The following IQGAP3 variants were observed in gnomAD, a reference collection of about 807,000 sequenced individuals.
IQGAP3 encodes IQ motif containing GTPase activating protein 3.
A neutral mutation model predicts 208.2 loss-of-function variants in IQGAP3; 165 were observed. The observed-to-expected ratio is 0.79, with a 90% confidence interval of 0.70 to 0.90. The LOEUF is 0.90. Ranked by LOEUF, IQGAP3 falls within the 40% of genes least tolerant of loss-of-function variation. The pLI, the probability that IQGAP3 is intolerant of heterozygous loss-of-function variation, is 0.00. For synonymous variants in IQGAP3, 703 were observed against 803.6 expected (o/e 0.87, Z 2.12); for missense variants, 1,811 against 2,043.1 (o/e 0.89, Z 2.19).
chr1:156,565,131 T>G (rs1282798989), intron 4 of IQGAP3, among the ~76,000 whole-genome samples: 1 of 152,128 alleles, frequency 6.6e-6, no homozygotes. Flanking sequence ...CAGGGCCCAA[T>G]GAAGCATATA....
At chr1:156,532,804 G>C (rs1266414211) in intron 32 of IQGAP3, among the ~76,000 whole-genome samples, 176 bp downstream of exon 32, 3 of 152,190 alleles carry the variant, frequency 2.0e-5, no homozygotes, top group Non-Finnish European at 4.4e-5. Context: ...GAGGATACCA[G>C]ATGGAAAAGA....
intron 1 of IQGAP3, 68 bp from the exon 2 acceptor site, chr1:156,569,531 T>TTTC (rs2102451178): frequency 1.7e-6 from 1 of 576,082 alleles, no homozygotes; most frequent in African/African-American, 2.2e-5. Context: ...GAAGGGTCTT[T>TTTC]TTTTTTTTTT....
chr1:156,541,933 G>A (rs1002488437), intron 22 of IQGAP3, among the ~76,000 whole-genome samples: 2 of 152,230 alleles, frequency 1.3e-5, no homozygotes, highest in African/African-American at 4.8e-5. Flanking sequence ...AAAGGAGGCA[G>A]AGAGGGTGAA....
At position 156,539,013 on chromosome 1, in the gene IQGAP3, T is replaced by C; in HGVS notation, c.3077A>G (p.Gln1026Arg). ...EEIKSKVEQP[Q>R]DVVTGNPTVV... ...TGTTGGGTTGCCTGTCACCACGTCC[T>C]GGGGCTGCTCCACCTTTGACCTGTG... The change falls in exon 26 of 38, where the codon CAG becomes CGG. Residue 1026 changes from glutamine to arginine, a missense_variant. By Grantham distance (43) the Gln-to-Arg change is conservative. Coordinates refer to ENST00000361170, the MANE Select transcript of IQGAP3 (RefSeq NM_178229.5). The C allele has an allele frequency of 6.2e-7, 1 of 1,614,006 alleles. No individual in the cohort carries two copies. Among genetic ancestry groups the C allele is most frequent in the South Asian group, 1.1e-5 (1 of 91,016 alleles).
At position 156,534,661 on chromosome 1, in the gene IQGAP3, C is replaced by T. The variant is rs1461254405; in HGVS notation, c.3580G>A (p.Ala1194Thr). Residue 1194 changes from alanine (A) to threonine (T), a missense_variant, in exon 29 of 38, where the codon GCC (alanine) becomes ACC (threonine). Ala to Thr is a moderately conservative substitution (Grantham distance 58). Coordinates refer to ENST00000361170, the MANE Select transcript of IQGAP3 (RefSeq NM_178229.5). ...GCCAGGGCTCCACCAGCTGCCATGG[C>T]CACAATGTCGAAGGCGTCAGGAGCC... Reference protein sequence around the residue: ...VVAPDAFDIVAMAAGGALAAP... With the variant: ...VVAPDAFDIVTMAAGGALAAP... 8.1e-6 allele frequency: 13 copies of T among 1,611,888 alleles called. No homozygotes were observed. The highest frequency in any genetic ancestry group is 1.1e-5 in the Non-Finnish European group (13 of 1,179,582).
rs1676173348 is a variant in IQGAP3, at chr1:156,561,952, A to AG, written c.926dup (p.Glu310Ter). The AG allele has an allele frequency of 6.2e-7, 1 of 1,613,802 alleles. No individual in the cohort carries two copies. Among genetic ancestry groups the AG allele is most frequent in the Admixed American group, 1.7e-5 (1 of 59,974 alleles). Reference sequence around the variant, plus strand: ...CTTGAAGGGCCTTGAGCAAGGCTTCAGGGCTCTGTCTTTCCAGGGCATCAT... The same window carrying AG: ...CTTGAAGGGCCTTGAGCAAGGCTTCAGGGGCTCTGTCTTTCCAGGGCATCAT... On this transcript the variant is annotated frameshift_variant, in exon 10 of 38. Coordinates refer to ENST00000361170, the MANE Select transcript of IQGAP3 (RefSeq NM_178229.5). LOFTEE classifies it high-confidence loss of function.
intron 20 of IQGAP3, 23 bp downstream of exon 20, chr1:156,544,366 C>T: frequency 1.3e-6 from 2 of 1,597,048 alleles, no homozygotes; most frequent in South Asian, 2.2e-5. Flanking sequence ...GAGAAAGGAG[C>T]CTGCCAAAAC....
intron 13 of IQGAP3, among the ~76,000 whole-genome samples, chr1:156,553,056 A>C (rs1675630501): frequency 6.6e-6 from 1 of 152,120 alleles, no homozygotes; most frequent in Non-Finnish European, 1.5e-5. Flanking sequence ...CCTGGGTGAC[A>C]GAGCAAGGCC....
Position 156,564,671 on chromosome 1 carries a change from C to A in IQGAP3, c.381G>T (p.Thr127=). ...GLPSTFFPET[T]DIYDKKNMPR... ...GCATGTTCTTTTTGTCATAGATGTC[C>A]GTGGTCTCTGGGAAGAAGGTCTAGA... Residue 127 remains threonine, a synonymous_variant, in exon 5 of 38, where the codon ACG becomes ACT. Transcript: ENST00000361170. 6.2e-7 allele frequency: 1 copy of A among 1,613,746 alleles called. No homozygotes were observed. The highest frequency in any genetic ancestry group is 8.5e-7 in the Non-Finnish European group (1 of 1,179,758).
intron 29 of IQGAP3, 53 bp downstream of exon 29, chr1:156,534,448 G>T (rs2102365732): frequency 1.5e-6 from 2 of 1,334,844 alleles, no homozygotes; most frequent in Non-Finnish European, 2.1e-6. Context: ...CAAGTGGGAT[G>T]TCAAAGGTGA....
intron 13 of IQGAP3, among the ~76,000 whole-genome samples, chr1:156,552,408 T>A (rs1675598867): frequency 6.6e-6 from 1 of 152,194 alleles, no homozygotes; most frequent in South Asian, 2.1e-4. Flanking sequence ...CATTCATTTA[T>A]CCCAGCCAGC....
chr1:156,532,834 G>A (rs1241045053), intron 32 of IQGAP3, 146 bp downstream of exon 32: 7 of 764,314 alleles, frequency 9.2e-6, no homozygotes, highest in Non-Finnish European at 1.5e-5. Flanking sequence ...GCAGCGAGGG[G>A]AATAAAGGTA....
intron 34 of IQGAP3, among the ~76,000 whole-genome samples, chr1:156,529,691 T>C (rs1674284430): frequency 6.6e-6 from 1 of 151,866 alleles, no homozygotes; most frequent in African/African-American, 2.4e-5. Context: ...GAGGCCAAGA[T>C]GGGCGGACCC....
chr1:156,569,560 C>T, intron 1 of IQGAP3, 97 bp from the exon 2 acceptor site: 1 of 550,634 alleles, frequency 1.8e-6, no homozygotes, highest in Non-Finnish European at 2.9e-6. Context: ...TTTGAGACGC[C>T]CAGGCTGGAG....
At position 156,563,301 on chromosome 1, in the gene IQGAP3, C is replaced by T. The variant is rs765178651; in HGVS notation, c.631G>A (p.Val211Ile). 1 of 1,600,420 alleles carries T rather than the reference C, an allele frequency of 6.2e-7. No individual in the cohort carries two copies. Among genetic ancestry groups the T allele is most frequent in the Non-Finnish European group, 8.5e-7 (1 of 1,170,638 alleles). The change falls in exon 8 of 38, where the codon GTT becomes ATT. Residue 211 changes from valine (V) to isoleucine (I), a missense_variant. Transcript: ENST00000361170. ...SVDEAAVHAA[V>I]LAINEAVERG... ...TCCACTGCTTCATTGATGGCAAGAACAGCTGCATGGACTGGGAGAGGGCAT... is the reference window on the plus strand; with the variant it reads ...TCCACTGCTTCATTGATGGCAAGAATAGCTGCATGGACTGGGAGAGGGCAT...
At chr1:156,537,370 C>T (rs745673776) in intron 26 of IQGAP3, 49 bp from the exon 27 acceptor site, 8 of 1,554,104 alleles carry the variant, frequency 5.1e-6, no homozygotes, top group Non-Finnish European at 6.1e-6. Context: ...CTCCAATGGC[C>T]TCCTTCCCCA....
At chr1:156,533,378 A>G (rs990724860) in intron 31 of IQGAP3, among the ~76,000 whole-genome samples, 5 of 152,102 alleles carry the variant, frequency 3.3e-5, no homozygotes, top group African/African-American at 1.2e-4. Flanking sequence ...CTGAGGGTAG[A>G]GGAGCTGTGC....
intron 19 of IQGAP3, among the ~76,000 whole-genome samples, chr1:156,546,775 A>G (rs893795939): frequency 6.6e-6 from 1 of 152,170 alleles, no homozygotes. Flanking sequence ...TCTGACCCCA[A>G]AGCCTGAGCT....
intron 36 of IQGAP3, 65 bp downstream of exon 36, chr1:156,528,444 C>A: frequency 8.1e-7 from 1 of 1,229,200 alleles, no homozygotes; most frequent in Non-Finnish European, 1.2e-6. Context: ...GTGCCCAGCC[C>A]AGAGCTCCAC....
Sources: gnomAD v4.1 joint callset for allele counts (sites outside exome capture counted in the v4.1 genomes callset) on GRCh38, gnomAD v4.1.1 for gene constraint, MANE v1.5 for transcripts, NCBI Gene and HGNC (gene_info 2026-07-23, HGNC 2026-07-21) for gene names.